CLEC16A: variants seen among roughly 807,000 people sequenced by gnomAD.
CLEC16A encodes C-type lectin domain containing 16A.
Under a neutral mutation model 109.5 loss-of-function variants are expected in CLEC16A, and 51 were observed. That is an observed-to-expected ratio of 0.47 (90% confidence interval 0.37 to 0.59). The LOEUF is 0.59. Ranked by LOEUF, CLEC16A falls within the 20% of genes least tolerant of loss-of-function variation. The probability of loss-of-function intolerance (pLI) is 0.00; values close to 1 mark genes in which losing one functional copy is unlikely to be tolerated. For synonymous variants in CLEC16A, 673 were observed against 564.2 expected, an observed-to-expected ratio of 1.19 and a Z score of -2.73; for missense variants, 1,339 against 1,394.0, an observed-to-expected ratio of 0.96 and a Z score of 0.63.
intron 22 of CLEC16A, among the ~76,000 whole-genome samples, chr16:11,131,318 G>A (rs1036859747): frequency 1.2e-4 from 19 of 152,190 alleles, no homozygotes; most frequent in Admixed American, 1.2e-3. Context: ...TCCAAAACTC[G>A]CCTGCAAGGC....
At chr16:10,989,933 T>C (rs1344229942) in intron 10 of CLEC16A, among the ~76,000 whole-genome samples, 1 of 152,226 alleles carries the variant, frequency 6.6e-6, no homozygotes, top group East Asian at 1.9e-4. Context: ...GTGTGCTGAA[T>C]GCATCAGGCA....
At chr16:11,171,277 G>C (rs985252504) in intron 23 of CLEC16A, among the ~76,000 whole-genome samples, 2 of 152,194 alleles carry the variant, frequency 1.3e-5, no homozygotes, top group African/African-American at 2.4e-5. Context: ...GGCTCCCTCC[G>C]TGTGCAGCAC....
rs779970758 is a variant in CLEC16A at position 10,971,236 on chromosome 16, T to C, written c.598+6T>C. On this transcript the variant is annotated splice_donor_region_variant and intron_variant, in intron 5 of 23. Transcript: ENST00000409790. ...AACTTTGAATGTCTATAAAGGTAAG[T>C]GTCCTCATGGGCTTGTGTCTCGGCT... 1 of 1,592,778 alleles carries C rather than the reference T, an allele frequency of 6.3e-7. No homozygotes were observed. Among genetic ancestry groups the C allele is most frequent in the African/African-American group, 1.3e-5 (1 of 74,582 alleles).
At chr16:11,066,702 A>G (rs1255675206) in intron 19 of CLEC16A, 2 of 152,208 alleles carry the variant, frequency 1.3e-5, no homozygotes, top group Admixed American at 1.3e-4. Context: ...TCCTCAAAAG[A>G]TCCTCGCGAC....
At position 11,021,579 on chromosome 16, in the gene CLEC16A, C is replaced by G. The variant is rs541210400; in HGVS notation, c.1436+1254C>G. Among the ~76,000 whole-genome samples the G allele has an allele frequency of 1.6e-4, 25 of 152,338 alleles. No individual in the cohort carries two copies. The East Asian group carries it at 4.4e-3, about 27-fold the overall frequency. ...TTGGGAGGCCAAGGGGGGAGGATCA[C>G]TTGAACCCAGGAGTTTGTGACTGGC... On this transcript the variant is annotated intron_variant, in intron 12 of 23. Coordinates refer to ENST00000409790, the MANE Select transcript of CLEC16A (RefSeq NM_015226.3).
At chr16:11,109,726 C>T (rs1406203711) in intron 19 of CLEC16A, among the ~76,000 whole-genome samples, 1 of 152,198 alleles carries the variant, frequency 6.6e-6, no homozygotes, top group Non-Finnish European at 1.5e-5. Flanking sequence ...AGCTGTGGGC[C>T]CTGCTCTTGG....
chr16:10,976,338 T>C (rs916599450), intron 7 of CLEC16A, among the ~76,000 whole-genome samples: 7 of 99,156 alleles, frequency 7.1e-5, no homozygotes, highest in African/African-American at 4.6e-4. Context: ...GAATTGATCT[T>C]GTTTTTACTT....
At chr16:10,951,505 T>A (rs2041731249) in intron 1 of CLEC16A, among the ~76,000 whole-genome samples, 1 of 152,198 alleles carries the variant, frequency 6.6e-6, no homozygotes, top group South Asian at 2.1e-4. Flanking sequence ...GTTGTAATCA[T>A]GGGGTCTGGA....
At chr16:10,997,628 G>C (rs978833784) in intron 10 of CLEC16A, among the ~76,000 whole-genome samples, 1 of 152,192 alleles carries the variant, frequency 6.6e-6, no homozygotes, top group Non-Finnish European at 1.5e-5. Flanking sequence ...AAAGTTTCTA[G>C]TGCTGGTAAT....
chr16:11,031,987 G>T (rs2046767050), intron 13 of CLEC16A, among the ~76,000 whole-genome samples: 1 of 152,230 alleles, frequency 6.6e-6, no homozygotes, highest in Non-Finnish European at 1.5e-5. Context: ...ACTCCAGGCA[G>T]ACCAACCCAG....
intron 11 of CLEC16A, among the ~76,000 whole-genome samples, chr16:11,014,528 T>G (rs2045624988): frequency 6.6e-6 from 1 of 151,902 alleles, no homozygotes; most frequent in Non-Finnish European, 1.5e-5. Context: ...TGTATTTAAG[T>G]GAAAAAAAAG....
At chr16:10,945,646 G>C (rs1353078891) in intron 1 of CLEC16A, among the ~76,000 whole-genome samples, 2 of 152,170 alleles carry the variant, frequency 1.3e-5, no homozygotes, top group Non-Finnish European at 2.9e-5. Flanking sequence ...TGCAAATGGG[G>C]ATCGTGAACA....
intron 19 of CLEC16A, among the ~76,000 whole-genome samples, chr16:11,078,875 A>T (rs1336492346): frequency 6.6e-6 from 1 of 152,136 alleles, no homozygotes; most frequent in Non-Finnish European, 1.5e-5. Flanking sequence ...TAAGCTGTTT[A>T]CGCTTCTCTC....
At chr16:11,075,685 C>T (rs535510610) in intron 19 of CLEC16A, among the ~76,000 whole-genome samples, 71 of 152,142 alleles carry the variant, frequency 4.7e-4, no homozygotes, top group African/African-American at 1.6e-3. Context: ...GGTCCTCTTG[C>T]CTCAGCCTCC....
At chr16:10,975,239 G>T (rs1007655909) in intron 7 of CLEC16A, among the ~76,000 whole-genome samples, 1 of 152,262 alleles carries the variant, frequency 6.6e-6, no homozygotes, top group Non-Finnish European at 1.5e-5. Flanking sequence ...CAAGGCAAGA[G>T]AATTGCTTGA....
At chr16:11,121,879 CAAAAAAAAA>C (rs536067685) in intron 20 of CLEC16A, among the ~76,000 whole-genome samples, 6 of 29,828 alleles carry the variant, frequency 2.0e-4, no homozygotes, top group Admixed American at 8.9e-4. Flanking sequence ...GACCCTGTCT[CAAAAAAAAA>C]AAAAAAAAAA....
chr16:11,179,373 G>T lies in CLEC16A; in HGVS notation c.*683G>T, dbSNP rs2068888641. 6.6e-6 allele frequency: 1 copy of T among 152,152 alleles called. No homozygotes were observed. Among genetic ancestry groups the T allele is most frequent in the Non-Finnish European group, 1.5e-5 (1 of 68,034 alleles). The allele number at this position is 152,152 out of a possible 1,614,324, so 9.4% of individuals were successfully genotyped here. On this transcript the variant is annotated 3_prime_UTR_variant, in exon 24 of 24. Transcript: ENST00000409790. ...TAACTCTGCAAGCCTGTGGAATAAT[G>T]AAGTACCTTCCTGGAAAGTTTGGAT...
intron 22 of CLEC16A, among the ~76,000 whole-genome samples, chr16:11,135,571 C>T (rs1037681096): frequency 2.0e-5 from 3 of 152,216 alleles, no homozygotes; most frequent in Non-Finnish European, 2.9e-5. Flanking sequence ...GGGTCATTAC[C>T]TAACTCATAC....
chr16:10,965,624 T>G (rs1032539102), intron 3 of CLEC16A, among the ~76,000 whole-genome samples: 1 of 152,226 alleles, frequency 6.6e-6, no homozygotes, highest in African/African-American at 2.4e-5. Flanking sequence ...CAAGCTACCA[T>G]TTCACAAATG....
Sources: gnomAD v4.1 joint callset for allele counts (sites outside exome capture counted in the v4.1 genomes callset) on GRCh38, gnomAD v4.1.1 for gene constraint, MANE v1.5 for transcripts, NCBI Gene and HGNC (gene_info 2026-07-23, HGNC 2026-07-21) for gene names.